The following S100A8 variants were observed in gnomAD, a reference collection of about 807,000 sequenced individuals.
S100A8 encodes the protein protein S100-A8.
Under a neutral mutation model 4.2 loss-of-function variants are expected in S100A8, and 1 was observed. That is an observed-to-expected ratio of 0.24 (90% CI 0.08 to 1.12). S100A8 has a LOEUF of 1.12. Ranked by LOEUF, S100A8 falls within the 50% of genes most tolerant of loss-of-function variation. S100A8 has a pLI of 0.53. For synonymous variants in S100A8, 41 were observed against 44.7 expected (o/e 0.92, Z 0.33); for missense variants, 96 against 111.8 (o/e 0.86, Z 0.64).
chr1:153,400,237 A>G, the S100A8 span, among the ~76,000 whole-genome samples: 9 of 152,206 alleles, frequency 5.9e-5, no homozygotes, highest in African/African-American at 2.2e-4. Flanking sequence ...GAGAAGTGGT[A>G]GAACCAGATT....
chr1:153,422,314 A>T, the S100A8 span: 1 of 155,562 alleles, frequency 6.4e-6, no homozygotes. Flanking sequence ...AGGGTGGGGC[A>T]ATGTGTCATT....
At chr1:153,391,251 C>T (rs528041686), upstream of S100A8, 39 of 972,208 alleles carry the variant, frequency 4.0e-5, no homozygotes, top group African/African-American at 7.0e-5. Context: ...GTAGGAGAAG[C>T]GGAAAGAGGA....
chr1:153,390,672 A>G, intron 1 of S100A8, 115 bp from the exon 2 acceptor site: 1 of 1,319,818 alleles, frequency 7.6e-7, no homozygotes. Context: ...GCACTCTCCA[A>G]ATAACCAAAC....
chr1:153,407,324 C>T, the S100A8 span, among the ~76,000 whole-genome samples: 82 of 152,366 alleles, frequency 5.4e-4, no homozygotes, highest in South Asian at 6.2e-4. Flanking sequence ...GATCATATCC[C>T]GTGCCTGGCT....
At chr1:153,402,546 T>C in the S100A8 span, among the ~76,000 whole-genome samples, 12 of 151,966 alleles carry the variant, frequency 7.9e-5, no homozygotes, top group Non-Finnish European at 1.2e-4. Flanking sequence ...AGACAGGAGA[T>C]GAGGTCTGAG....
chr1:153,418,167 A>G, the S100A8 span: 2 of 1,614,054 alleles, frequency 1.2e-6, no homozygotes, highest in Non-Finnish European at 1.7e-6. Flanking sequence ...CAAGATTGAG[A>G]AGCCAAGCCT....
At chr1:153,417,128 G>A in the S100A8 span, 1 of 152,376 alleles carries the variant, frequency 6.6e-6, no homozygotes, top group African/African-American at 2.4e-5. Flanking sequence ...GAGGTGTTGG[G>A]GGTTTATTGT....
At chr1:153,401,402 G>A in the S100A8 span, among the ~76,000 whole-genome samples, 7 of 152,126 alleles carry the variant, frequency 4.6e-5, no homozygotes, top group Admixed American at 3.9e-4. Context: ...GTCTGTAGGT[G>A]GAGACAGACA....
the S100A8 span, chr1:153,421,044 G>A: frequency 1.3e-5 from 2 of 152,140 alleles, no homozygotes; most frequent in African/African-American, 4.8e-5. Context: ...TCCTCTCTGT[G>A]CAGCACTCTC....
intron 2 of S100A8, 66 bp downstream of exon 2, chr1:153,390,329 G>A: frequency 6.2e-7 from 1 of 1,603,178 alleles, no homozygotes; most frequent in Admixed American, 1.7e-5. Context: ...TGGCAGGGAG[G>A]ACCGCTGGCC....
At chr1:153,412,485 A>G in the S100A8 span, among the ~76,000 whole-genome samples, 2 of 152,172 alleles carry the variant, frequency 1.3e-5, no homozygotes, top group Non-Finnish European at 2.9e-5. Context: ...GAAACAACAG[A>G]TGCTGGGGAG....
At chr1:153,419,613 G>A in the S100A8 span, 2 of 389,552 alleles carry the variant, frequency 5.1e-6, no homozygotes, top group South Asian at 4.9e-5. Context: ...GTGGAAGTTG[G>A]TAGAAGGCCC....
intron 1 of S100A8, 119 bp from the exon 2 acceptor site, chr1:153,390,676 A>G: frequency 2.4e-6 from 3 of 1,272,202 alleles, no homozygotes; most frequent in Admixed American, 2.1e-5. Context: ...TCTCCAAATA[A>G]CCAAACCAGC....
chr1:153,421,561 C>CCAGT, the S100A8 span: 7 of 152,210 alleles, frequency 4.6e-5, no homozygotes, highest in African/African-American at 1.7e-4. Context: ...CCAAAAACTT[C>CCAGT]CAGTCCTGGA....
At chr1:153,415,190 G>A in the S100A8 span, among the ~76,000 whole-genome samples, 3 of 152,026 alleles carry the variant, frequency 2.0e-5, no homozygotes, top group South Asian at 6.2e-4. Context: ...GTGTGCGTGT[G>A]TGTGTGTGTG....
chr1:153,401,875 T>C, the S100A8 span, among the ~76,000 whole-genome samples: 2 of 152,152 alleles, frequency 1.3e-5, no homozygotes, highest in Non-Finnish European at 2.9e-5. Flanking sequence ...TATTTAGGGA[T>C]TTTTGCCAGT....
At chr1:153,390,977 C>T in intron 1 of S100A8, 64 bp downstream of exon 1, 1 of 981,938 alleles carries the variant, frequency 1.0e-6, no homozygotes, top group African/African-American at 1.7e-5. Context: ...AAGGCTGCTC[C>T]ACTTCCCTGA....
chr1:153,392,244 A>G (rs1662116612), upstream of S100A8, among the ~76,000 whole-genome samples: 1 of 152,228 alleles, frequency 6.6e-6, no homozygotes, highest in African/African-American at 2.4e-5. Flanking sequence ...TATGAAAATT[A>G]CTAATCTTTA....
chr1:153,421,221 C>T, the S100A8 span: 1 of 152,198 alleles, frequency 6.6e-6, no homozygotes, highest in Non-Finnish European at 1.5e-5. Flanking sequence ...CATTTCAAGG[C>T]TGAGCTTTAA....
Sources: gnomAD v4.1 joint callset for allele counts (sites outside exome capture counted in the v4.1 genomes callset) on GRCh38, gnomAD v4.1.1 for gene constraint, MANE v1.5 for transcripts, NCBI Gene and HGNC (gene_info 2026-07-23, HGNC 2026-07-21) for gene names.